ANKRD30B: variants seen among roughly 807,000 people sequenced by gnomAD.
The protein encoded by ANKRD30B is ankyrin repeat domain 30B, also known as ankyrin repeat domain-containing protein 30B.
ANKRD30B carries 144 observed loss-of-function variants against 202.2 expected under a neutral mutation model. The observed-to-expected ratio is 0.71, with a 90% confidence interval of 0.62 to 0.82. The LOEUF is 0.82. Ranked by LOEUF, ANKRD30B falls within the 40% of genes least tolerant of loss-of-function variation. The probability of loss-of-function intolerance (pLI) is 0.00; values close to 1 mark genes in which losing one functional copy is unlikely to be tolerated. For synonymous variants in ANKRD30B, 508 were observed against 561.3 expected (o/e 0.91, Z 1.34); for missense variants, 1,487 against 1,669.1 (o/e 0.89, Z 1.90).
At chr18:14,879,768 TA>T in the ANKRD30B span, among the ~76,000 whole-genome samples, 3 of 150,900 alleles carry the variant, frequency 2.0e-5, no homozygotes, top group African/African-American at 2.4e-5. Flanking sequence ...GGTCAGGGGA[TA>T]GGGGTCAGGG....
chr18:14,772,217 C>G lies in ANKRD30B; in HGVS notation c.1318C>G (p.Leu440Val). 6.7e-7 allele frequency: 1 copy of G among 1,501,894 alleles called. No homozygotes were observed. Among genetic ancestry groups the G allele is most frequent in the South Asian group, 1.3e-5 (1 of 74,224 alleles). 93.0% of individuals were successfully genotyped at this position (1,501,894 alleles called of 1,614,324 possible). A position where few individuals can be genotyped will look rare whatever the true frequency, so the allele number is the denominator to read the frequency against. ...TACAAAAGTTGAGGAAGACTTTAAT[C>G]TTGCTACCAAGGTAAAATGTTCTTT... ...QCTKVEEDFN[L>V]ATKIISKSAA... is the part of the protein sequence containing the mutation. Residue 440 changes from leucine to valine, a missense_variant, in exon 9 of 44, where the codon CTT becomes GTT. Physicochemically the swap from Leu to Val is conservative, Grantham distance 32. Transcript: ENST00000690538.
chr18:14,876,023 T>C, the ANKRD30B span, among the ~76,000 whole-genome samples: 2 of 152,184 alleles, frequency 1.3e-5, no homozygotes, highest in Admixed American at 6.5e-5. Flanking sequence ...TAGCTCATTG[T>C]ACTGCTCAAG....
At chr18:14,756,133 T>C (rs1914320216) in intron 4 of ANKRD30B, among the ~76,000 whole-genome samples, 1 of 152,252 alleles carries the variant, frequency 6.6e-6, no homozygotes, top group South Asian at 2.1e-4. Context: ...GTGGTTTTGA[T>C]TTGCATTTCT....
At chr18:14,841,862 G>A (rs1971432777) in intron 37 of ANKRD30B, among the ~76,000 whole-genome samples, 1 of 152,180 alleles carries the variant, frequency 6.6e-6, no homozygotes, top group Non-Finnish European at 1.5e-5. Flanking sequence ...AAACCATGGT[G>A]ACTCATTAGT....
the ANKRD30B span, among the ~76,000 whole-genome samples, chr18:14,896,200 C>T: frequency 1.2e-4 from 18 of 151,412 alleles, no homozygotes; most frequent in East Asian, 3.9e-4. Context: ...GGCGTGATCT[C>T]GGTTCACTGC....
rs529188942 is a variant in ANKRD30B, at chr18:14,781,770, C to G, written c.1483-757C>G. 2.6e-5 allele frequency among the ~76,000 whole-genome samples: 4 copies of G among 152,256 alleles called. No homozygotes were observed. The East Asian group carries it at 7.7e-4, about 29-fold the overall frequency. On this transcript the variant is annotated intron_variant, in intron 11 of 43. Transcript: ENST00000690538. ...TGGCTTACAGACTCCCTGCTGAGTT[C>G]TGTGAACAGTTGCCACTATGGCCCT...
chr18:14,882,130 G>C, the ANKRD30B span, among the ~76,000 whole-genome samples: 1 of 151,948 alleles, frequency 6.6e-6, no homozygotes, highest in Admixed American at 6.6e-5. Flanking sequence ...CTCTGATCTT[G>C]GTTATTTCCT....
chr18:14,886,057 G>A, the ANKRD30B span, among the ~76,000 whole-genome samples: 1 of 151,774 alleles, frequency 6.6e-6, no homozygotes, highest in Non-Finnish European at 1.5e-5. Context: ...TCTCCTTTTT[G>A]TCAAATCATC....
chr18:14,852,361 T>C lies in ANKRD30B; in HGVS notation c.4417T>C (p.Tyr1473His). The C allele has an allele frequency of 6.5e-7, 1 of 1,541,362 alleles. No individual in the cohort carries two copies. The highest frequency in any genetic ancestry group is 8.7e-7 in the Non-Finnish European group (1 of 1,144,190). The change falls in exon 42 of 44, where the codon TAT becomes CAT. Residue 1473 changes from tyrosine (Y) to histidine (H), a missense_variant. Coordinates refer to ENST00000690538, the MANE Select transcript of ANKRD30B (RefSeq NM_001367607.2). The part of the protein sequence containing the change: ...LNEKNEEVFN[Y>H]GNHLKERIDQ... ...CGAGAAAAATGAGGAGGTATTCAATTATGGTAACCATTTAAAAGAACGTAT... is the reference window on the plus strand; with the variant it reads ...CGAGAAAAATGAGGAGGTATTCAATCATGGTAACCATTTAAAAGAACGTAT...
At chr18:14,881,058 C>A in the ANKRD30B span, among the ~76,000 whole-genome samples, 1 of 152,054 alleles carries the variant, frequency 6.6e-6, no homozygotes, top group Non-Finnish European at 1.5e-5. Flanking sequence ...TCCTCTTTAC[C>A]GATTTGGATT....
the ANKRD30B span, among the ~76,000 whole-genome samples, chr18:14,928,337 A>G: frequency 6.6e-6 from 1 of 152,168 alleles, no homozygotes; most frequent in African/African-American, 2.4e-5. Flanking sequence ...TTAGTTAAAC[A>G]TATTTCTGGA....
rs546755400 is a variant in ANKRD30B, at chr18:14,799,221, A to C, written c.2059-2A>C. 22 of 1,578,062 alleles carry C rather than the reference A, an allele frequency of 1.4e-5. 1 individual carries two copies. The Admixed American group carries it at 2.5e-4, about 18-fold the overall frequency. On this transcript the variant is annotated splice_acceptor_variant, in intron 21 of 43. Coordinates refer to ENST00000690538, the MANE Select transcript of ANKRD30B (RefSeq NM_001367607.2). LOFTEE classifies it high-confidence loss of function. ...AATTTTTGTGTTTCCAAACCCATTTAGCCTACCTGTGGAAGGAAAGTTTCT... is the reference window on the plus strand; with the variant it reads ...AATTTTTGTGTTTCCAAACCCATTTCGCCTACCTGTGGAAGGAAAGTTTCT...
intron 10 of ANKRD30B, among the ~76,000 whole-genome samples, 169 bp from the exon 11 acceptor site, chr18:14,779,791 G>A (rs1179047769): frequency 1.4e-5 from 1 of 70,444 alleles, no homozygotes; most frequent in East Asian, 3.6e-4. Context: ...AGATTTTTAA[G>A]ATTGTAGTTC....
chr18:14,905,654 G>C, the ANKRD30B span: 1 of 152,136 alleles, frequency 6.6e-6, no homozygotes, highest in Admixed American at 6.5e-5. Flanking sequence ...ACCTGGCAAA[G>C]ACCTAGAAAG....
At chr18:14,916,458 C>T in the ANKRD30B span, among the ~76,000 whole-genome samples, 1 of 152,040 alleles carries the variant, frequency 6.6e-6, no homozygotes, top group African/African-American at 2.4e-5. Flanking sequence ...TTGCTCAAGT[C>T]ACTCAAATGG....
intron 39 of ANKRD30B, among the ~76,000 whole-genome samples, chr18:14,847,831 G>T (rs934264904): frequency 3.0e-4 from 46 of 152,030 alleles, no homozygotes; most frequent in African/African-American, 1.0e-3. Flanking sequence ...TGAGCACCAG[G>T]TGTGATTTTC....
At chr18:14,921,897 G>T in the ANKRD30B span, among the ~76,000 whole-genome samples, 4 of 152,234 alleles carry the variant, frequency 2.6e-5, no homozygotes, top group East Asian at 5.8e-4. Context: ...GAGCAAGAGG[G>T]TCAAAAAGAA....
the ANKRD30B span, among the ~76,000 whole-genome samples, chr18:14,874,670 G>A: frequency 6.6e-6 from 1 of 152,154 alleles, no homozygotes; most frequent in African/African-American, 2.4e-5. Flanking sequence ...AAGACCTCTT[G>A]GCCACCCTCC....
chr18:14,824,977 T>C (rs981364011), intron 32 of ANKRD30B, among the ~76,000 whole-genome samples: 5 of 152,342 alleles, frequency 3.3e-5, no homozygotes, highest in Non-Finnish European at 4.4e-5. Flanking sequence ...ACAGTTTGCA[T>C]TGTGTCCCTT....
Sources: gnomAD v4.1 joint callset for allele counts (sites outside exome capture counted in the v4.1 genomes callset) on GRCh38, gnomAD v4.1.1 for gene constraint, MANE v1.5 for transcripts, NCBI Gene and HGNC (gene_info 2026-07-23, HGNC 2026-07-21) for gene names.